Variants in YES1 observed in about 807,000 individuals in gnomAD.
YES1 encodes the protein tyrosine-protein kinase Yes.
YES1 carries 39 observed loss-of-function variants against 70.4 expected under a neutral mutation model. The observed-to-expected ratio is 0.55, with a 90% CI of 0.43 to 0.72. YES1 has a LOEUF of 0.72. Among genes scored for constraint, YES1 ranks in the 30% least tolerant of loss-of-function variants. The probability of loss-of-function intolerance (pLI) is 0.00; values close to 1 mark genes in which losing one functional copy is unlikely to be tolerated. For missense variants in YES1, 495 were observed against 644.8 expected (o/e 0.77, Z 2.52); for synonymous variants, 198 against 218.6 (o/e 0.91, Z 0.83).
chr18:749,800 C>T (rs1397928311), intron 3 of YES1, among the ~76,000 whole-genome samples: 1 of 149,004 alleles, frequency 6.7e-6, no homozygotes, highest in Admixed American at 6.8e-5. Context: ...GCAGAGCTTG[C>T]AGTGAGCCGA....
rs1049595243 is a variant in YES1 at position 747,929 on chromosome 18, T to C, written c.461A>G (p.Gln154Arg). 2.2e-5 allele frequency: 35 copies of C among 1,613,390 alleles called. No individual in the cohort carries two copies. The highest frequency in any genetic ancestry group is 2.9e-5 in the Non-Finnish European group (34 of 1,179,830). The part of the protein sequence containing the change: ...SNYVAPADSI[Q>R]AEEWYFGKMG... ...TGAAGTAGTGCCATACTCTTCTGCC[T>C]GAATGGAATCTGCAGGCGCTACATA... Residue 154 changes from glutamine (Q) to arginine (R), a missense_variant, in exon 4 of 12, where the codon CAG (glutamine) becomes CGG (arginine). This residue lies in a region of YES1 where 385 missense variants were observed against 540.9 expected (regional missense o/e 0.71). Coordinates refer to ENST00000314574, the MANE Select transcript of YES1 (RefSeq NM_005433.4).
chr18:760,808 G>A (rs951673501), intron 1 of YES1, among the ~76,000 whole-genome samples: 1 of 152,176 alleles, frequency 6.6e-6, no homozygotes, highest in Non-Finnish European at 1.5e-5. Context: ...AGAGGGGCAG[G>A]GGTGGGGACA....
chr18:805,604 T>C (rs879858817), intron 1 of YES1, among the ~76,000 whole-genome samples: 3 of 152,218 alleles, frequency 2.0e-5, no homozygotes, highest in African/African-American at 7.2e-5. Context: ...AGCTCTTCAC[T>C]GTCAGAAATG....
chr18:725,812 A>G (rs915313094), intron 11 of YES1, among the ~76,000 whole-genome samples: 3 of 152,126 alleles, frequency 2.0e-5, no homozygotes, highest in Admixed American at 6.5e-5. Flanking sequence ...CTTGAACGGG[A>G]GGCGGAGGTT....
intron 1 of YES1, among the ~76,000 whole-genome samples, chr18:799,078 C>T (rs1220250549): frequency 1.3e-5 from 2 of 152,114 alleles, no homozygotes; most frequent in African/African-American, 4.8e-5. Flanking sequence ...TTGGACTAAC[C>T]AGTTTGCTTT....
chr18:730,408 A>T (rs2080074620), intron 11 of YES1, among the ~76,000 whole-genome samples: 1 of 149,988 alleles, frequency 6.7e-6, no homozygotes, highest in South Asian at 2.1e-4. Context: ...GCAGTGGCGC[A>T]ATCATAGCTC....
intron 11 of YES1, among the ~76,000 whole-genome samples, chr18:729,887 T>C (rs904445462): frequency 3.9e-5 from 6 of 152,266 alleles, no homozygotes; most frequent in Non-Finnish European, 8.8e-5. Context: ...GGCTTCCCAA[T>C]GTGTTGGGAT....
At chr18:771,945 T>C (rs1415614642) in intron 1 of YES1, among the ~76,000 whole-genome samples, 1 of 152,052 alleles carries the variant, frequency 6.6e-6, no homozygotes, top group Non-Finnish European at 1.5e-5. Context: ...ATTGTAAAGA[T>C]AAAAATGTTA....
chr18:798,224 A>AC (rs1314284498), intron 1 of YES1: 1 of 152,238 alleles, frequency 6.6e-6, no homozygotes, highest in African/African-American at 2.4e-5. Flanking sequence ...AAGGAGATAA[A>AC]CTATGTGTTC....
intron 1 of YES1, among the ~76,000 whole-genome samples, chr18:776,926 C>A (rs766418371): frequency 1.3e-5 from 2 of 152,178 alleles, no homozygotes; most frequent in African/African-American, 2.4e-5. Flanking sequence ...CCCCAACTTA[C>A]TTTTCTAATA....
intron 1 of YES1, among the ~76,000 whole-genome samples, chr18:801,347 C>A (rs143949484): frequency 5.4e-4 from 82 of 151,974 alleles, no homozygotes; most frequent in Admixed American, 2.1e-3. Context: ...AAATGATTTA[C>A]ATGAACAAAC....
At chr18:790,434 T>TC (rs1906186853) in intron 1 of YES1, among the ~76,000 whole-genome samples, 1 of 152,240 alleles carries the variant, frequency 6.6e-6, no homozygotes, top group Non-Finnish European at 1.5e-5. Flanking sequence ...TACTGAGATT[T>TC]CTGTTTCTCG....
intron 1 of YES1, among the ~76,000 whole-genome samples, chr18:808,599 A>C (rs7236738): frequency 0.017 from 2,605 of 152,322 alleles, 83 homozygotes; most frequent in African/African-American, 0.06. Context: ...AGATCTTACT[A>C]AAACTTCCTG....
intron 1 of YES1, among the ~76,000 whole-genome samples, chr18:783,842 G>A (rs2145802451): frequency 6.6e-6 from 1 of 152,286 alleles, no homozygotes; most frequent in African/African-American, 2.4e-5. Context: ...TTGAACGCCT[G>A]ACATCAGGTG....
intron 11 of YES1, among the ~76,000 whole-genome samples, chr18:731,924 G>C (rs62091711): frequency 7.6e-6 from 1 of 131,284 alleles, no homozygotes; most frequent in Admixed American, 9.1e-5. Context: ...CTGAGATCGT[G>C]CCACTGCACT....
intron 10 of YES1, among the ~76,000 whole-genome samples, chr18:733,660 G>T (rs2080116740): frequency 6.6e-6 from 1 of 151,868 alleles, no homozygotes; most frequent in African/African-American, 2.4e-5. Flanking sequence ...GCAGGAGCCT[G>T]TAGTCCCAGC....
At chr18:767,133 ATATAT>A (rs998406478) in intron 1 of YES1, among the ~76,000 whole-genome samples, 1 of 152,074 alleles carries the variant, frequency 6.6e-6, no homozygotes, top group Non-Finnish European at 1.5e-5. Flanking sequence ...TAATTTTTGA[ATATAT>A]TATAATAGTC....
intron 1 of YES1, among the ~76,000 whole-genome samples, chr18:810,947 A>G (rs1270605155): frequency 6.6e-6 from 1 of 151,174 alleles, no homozygotes; most frequent in East Asian, 2.0e-4. Flanking sequence ...TGTGCCAAGC[A>G]CTGTGATAGT....
At chr18:737,282 G>C (rs2080165079) in intron 9 of YES1, 1 of 179,458 alleles carries the variant, frequency 5.6e-6, no homozygotes, top group South Asian at 1.4e-4. Flanking sequence ...GTGAAACCCT[G>C]TCTCTATTAA....
Sources: gnomAD v4.1 joint callset for allele counts (sites outside exome capture counted in the v4.1 genomes callset) on GRCh38, gnomAD v4.1.1 for gene constraint, gnomAD v4.1.1 regional missense constraint, MANE v1.5 for transcripts, NCBI Gene and HGNC (gene_info 2026-07-23, HGNC 2026-07-21) for gene names.